Variants in AP2A2 observed in about 807,000 individuals in gnomAD.
The protein encoded by AP2A2 is AP-2 complex subunit alpha-2.
A neutral mutation model predicts 104.2 loss-of-function variants in AP2A2; 32 were observed. That is an observed-to-expected ratio of 0.31 (90% CI 0.23 to 0.41). The LOEUF (loss-of-function observed/expected upper bound fraction) is 0.41. Among genes scored for constraint, AP2A2 ranks in the 10% least tolerant of loss-of-function variants. The pLI is 1.00. For synonymous variants in AP2A2, 539 were observed against 533.3 expected (o/e 1.01, Z -0.15); for missense variants, 912 against 1,261.0 (o/e 0.72, Z 4.19).
In AP2A2 at chr11:931,279, A is replaced by G. The variant is rs553306997; in HGVS notation, c.67+5191A>G. The stretch of plus-strand genomic sequence containing the variant: ...GGAAACAAGACCATAATTATTTGCT[A>G]TTTATTCAGTTATTTTGGAACTTTC... On this transcript the variant is annotated intron_variant, in intron 1 of 21. Coordinates refer to ENST00000448903, the MANE Select transcript of AP2A2 (RefSeq NM_012305.4). 3.9e-5 allele frequency among the ~76,000 whole-genome samples: 6 copies of G among 152,306 alleles called. No individual in the cohort carries two copies. In the East Asian group the frequency reaches 9.6e-4, roughly 24 times the overall value.
intron 4 of AP2A2, 150 bp downstream of exon 4, chr11:972,405 C>G (rs1854864925): frequency 9.9e-7 from 1 of 1,014,950 alleles, no homozygotes; most frequent in Non-Finnish European, 1.4e-6. Flanking sequence ...TCCAGAATTA[C>G]AAGTTTAGGC....
intron 6 of AP2A2, among the ~76,000 whole-genome samples, chr11:984,092 A>G (rs1188032426): frequency 6.6e-6 from 1 of 152,206 alleles, no homozygotes; most frequent in Non-Finnish European, 1.5e-5. Flanking sequence ...ATCGGGCTGT[A>G]TGTCAGTGGA....
chr11:990,527 G>A, intron 10 of AP2A2, among the ~76,000 whole-genome samples: 2 of 152,300 alleles, frequency 1.3e-5, no homozygotes, highest in South Asian at 4.1e-4. Context: ...CTGGGCATTC[G>A]TCAGCCCGGT....
At chr11:960,861 G>A (rs1422669059) in intron 2 of AP2A2, among the ~76,000 whole-genome samples, 3 of 152,058 alleles carry the variant, frequency 2.0e-5, no homozygotes, top group Non-Finnish European at 2.9e-5. Context: ...GTTTCTCCAT[G>A]TTGGTCAGGC....
chr11:950,883 A>C (rs2134523657), intron 1 of AP2A2, among the ~76,000 whole-genome samples: 1 of 152,236 alleles, frequency 6.6e-6, no homozygotes, highest in Admixed American at 6.5e-5. Flanking sequence ...ACCCGAGGTC[A>C]GGAGTTCAAG....
intron 15 of AP2A2, among the ~76,000 whole-genome samples, chr11:1,001,835 G>A (rs1428413146): frequency 6.6e-6 from 1 of 152,174 alleles, no homozygotes; most frequent in African/African-American, 2.4e-5. Flanking sequence ...CCTTGTGCAC[G>A]CCTCACATTG....
At chr11:961,019 G>T (rs1296470863) in intron 2 of AP2A2, among the ~76,000 whole-genome samples, 2 of 152,254 alleles carry the variant, frequency 1.3e-5, no homozygotes, top group South Asian at 2.1e-4. Context: ...GGTTCTCCAG[G>T]ATGTGGACTC....
chr11:963,663 C>T (rs974506525), intron 2 of AP2A2, among the ~76,000 whole-genome samples: 1 of 152,212 alleles, frequency 6.6e-6, no homozygotes, highest in Admixed American at 6.5e-5. Context: ...AGATCTTGCT[C>T]TGTTGACCAG....
intron 18 of AP2A2, 33 bp from the exon 19 acceptor site, chr11:1,009,063 GCTGA>G (rs776189938): frequency 6.5e-7 from 1 of 1,539,664 alleles, no homozygotes; most frequent in Non-Finnish European, 8.9e-7. Flanking sequence ...CAGAGGAGTA[GCTGA>G]CTGTCTCTTT....
Position 993,978 on chromosome 11 carries a change from A to C in AP2A2, c.1775A>C (p.Asp592Ala). 6.2e-7 allele frequency: 1 copy of C among 1,610,840 alleles called. No individual in the cohort carries two copies. Among genetic ancestry groups the C allele is most frequent in the Non-Finnish European group, 8.5e-7 (1 of 1,178,162 alleles). ...YLRLSTVASTDILATVLEEMP... is the reference protein window; with the variant it reads ...YLRLSTVASTAILATVLEEMP... ...CGGCTCAGCACCGTGGCCAGCACCG[A>C]CATTCTGGTAGGAGGCCCCCGCCCT... The change falls in exon 13 of 22, where the codon GAC (aspartate) becomes GCC (alanine). Residue 592 changes from aspartate (D) to alanine (A), a missense_variant. This residue lies in a region of AP2A2 where 137 missense variants were observed against 186.9 expected (regional missense o/e 0.73). Transcript: ENST00000448903. This position sits in a 1 kb window ranked among gnomAD's most constrained non-coding sequence, Gnocchi z 8.2.
intron 1 of AP2A2, among the ~76,000 whole-genome samples, chr11:930,595 A>C (rs867457893): frequency 5.3e-5 from 8 of 151,230 alleles, no homozygotes; most frequent in South Asian, 2.1e-4. Flanking sequence ...ATCTCGGCTC[A>C]CTGCAAGCTC....
intron 1 of AP2A2, among the ~76,000 whole-genome samples, chr11:927,211 A>G (rs1338781836): frequency 6.6e-6 from 1 of 151,418 alleles, no homozygotes; most frequent in Non-Finnish European, 1.5e-5. Flanking sequence ...AGCGTGCACC[A>G]CCACCATGCC....
At position 993,412 on chromosome 11, in the gene AP2A2, T is replaced by C. The variant is rs1855728765; in HGVS notation, c.1550+31T>C. ...AGGCCCTTTGCGAGTCGGGGCTGTGTGCGCTCCGGCGGGCCTCTCGGTGGT... is the reference window on the plus strand; with the variant it reads ...AGGCCCTTTGCGAGTCGGGGCTGTGCGCGCTCCGGCGGGCCTCTCGGTGGT... On this transcript the variant is annotated intron_variant, in intron 12 of 21. Transcript: ENST00000448903. This position sits in a 1 kb window ranked among gnomAD's most constrained non-coding sequence, Gnocchi z 8.2. 2.6e-6 allele frequency: 4 copies of C among 1,550,264 alleles called. No homozygotes were observed. In the Admixed American group the frequency reaches 5.9e-5, roughly 23 times the overall value.
chr11:973,577 T>C (rs10902257), intron 4 of AP2A2, among the ~76,000 whole-genome samples: 77,077 of 151,848 alleles, frequency 0.51, 20,145 homozygotes, highest in Middle Eastern at 0.66. Context: ...CTGAAGGCAC[T>C]GTTGCTCCTC....
intron 2 of AP2A2, among the ~76,000 whole-genome samples, chr11:963,813 A>G (rs1324729216): frequency 6.6e-6 from 1 of 152,142 alleles, no homozygotes; most frequent in African/African-American, 2.4e-5. Context: ...TTTTGTAGAG[A>G]TGGGGTCTTG....
chr11:986,485 C>T (rs947770050), intron 8 of AP2A2, among the ~76,000 whole-genome samples: 1 of 152,208 alleles, frequency 6.6e-6, no homozygotes, highest in Admixed American at 6.5e-5. Flanking sequence ...CTTGACCGGC[C>T]TCCCGCGGGC....
chr11:959,784 GGGTTCAGAGGACAGACACCAAGTAC>G (rs1268549915), intron 2 of AP2A2, among the ~76,000 whole-genome samples: 1 of 152,132 alleles, frequency 6.6e-6, no homozygotes, highest in Non-Finnish European at 1.5e-5. Context: ...AGCGTGCTGG[GGGTTCAGAGGACAGACACCAAGTAC>G]GGGAAGTGCT....
At chr11:1,000,350 G>A (rs2133768353) in intron 14 of AP2A2, 82 bp from the exon 15 acceptor site, 2 of 1,399,480 alleles carry the variant, frequency 1.4e-6, no homozygotes, top group Non-Finnish European at 1.9e-6. Context: ...GTGCCATGGG[G>A]GAGGACGTGC....
chr11:930,054 G>A (rs1033835838), intron 1 of AP2A2, among the ~76,000 whole-genome samples: 5 of 150,904 alleles, frequency 3.3e-5, no homozygotes, highest in East Asian at 1.9e-4. Flanking sequence ...CCAGGAGGCG[G>A]AGCTTGCAGT....
Sources: allele counts gnomAD v4.1 joint callset (sites outside exome capture counted in the v4.1 genomes callset), GRCh38; gene constraint gnomAD v4.1.1; regional missense constraint gnomAD v4.1.1; non-coding constraint Gnocchi (gnomAD v3.1); transcripts MANE v1.5; gene names NCBI Gene and HGNC (gene_info 2026-07-23, HGNC 2026-07-21).